CTNNA3: variants seen among roughly 807,000 people sequenced by gnomAD.
CTNNA3 encodes catenin alpha 3, also known as catenin alpha-3.
In CTNNA3, 76 loss-of-function variants were observed where a neutral mutation model predicts 95.7. The ratio of observed to expected loss-of-function variants is 0.79; its 90% CI spans 0.66 to 0.96. CTNNA3 has a LOEUF of 0.96. Among genes scored for constraint, CTNNA3 ranks in the 40% least tolerant of loss-of-function variants. The probability of loss-of-function intolerance (pLI) is 0.00; values close to 1 mark genes in which losing one functional copy is unlikely to be tolerated. For missense variants in CTNNA3, 1,191 were observed against 1,089.8 expected (o/e 1.09, Z -1.31); for synonymous variants, 431 against 374.4 (o/e 1.15, Z -1.74).
intron 7 of CTNNA3, among the ~76,000 whole-genome samples, chr10:66,850,552 G>A (rs1843448756): frequency 1.3e-5 from 2 of 152,064 alleles, no homozygotes; most frequent in African/African-American, 4.8e-5. Context: ...TGTGGCCTCA[G>A]ATTTAGGAGT....
intron 7 of CTNNA3, among the ~76,000 whole-genome samples, chr10:66,810,919 A>ATCT (rs1204164584): frequency 6.6e-6 from 1 of 152,166 alleles, no homozygotes; most frequent in African/African-American, 2.4e-5. Context: ...TATATTAGTC[A>ATCT]TCTTCCTCCC....
intron 13 of CTNNA3, among the ~76,000 whole-genome samples, chr10:66,131,568 C>A (rs2083104566): frequency 6.6e-6 from 1 of 151,842 alleles, no homozygotes; most frequent in Non-Finnish European, 1.5e-5. Flanking sequence ...TCATATGGAA[C>A]CAAAAAAAGG....
chr10:67,681,244 T>A (rs1360294331), intron 1 of CTNNA3, among the ~76,000 whole-genome samples: 1 of 152,082 alleles, frequency 6.6e-6, no homozygotes, highest in East Asian at 1.9e-4. Flanking sequence ...GAAAAGAATA[T>A]GGAGAAGGAT....
chr10:66,484,594 C>A (rs549806592), intron 11 of CTNNA3, among the ~76,000 whole-genome samples: 4 of 151,816 alleles, frequency 2.6e-5, no homozygotes, highest in South Asian at 2.1e-4. Context: ...TCAAGAATAA[C>A]CCTTACTGGG....
At chr10:66,697,236 T>C (rs549407641) in intron 9 of CTNNA3, among the ~76,000 whole-genome samples, 2 of 149,528 alleles carry the variant, frequency 1.3e-5, no homozygotes, top group South Asian at 4.2e-4. Context: ...TTTATGTGTG[T>C]ATATATATCA....
chr10:67,047,952 T>C (rs1854854044), intron 7 of CTNNA3, among the ~76,000 whole-genome samples: 1 of 152,094 alleles, frequency 6.6e-6, no homozygotes, highest in African/African-American at 2.4e-5. Flanking sequence ...ATAAGCTTTC[T>C]GAAGTGGGAA....
intron 9 of CTNNA3, among the ~76,000 whole-genome samples, chr10:66,653,705 C>T (rs1183147932): frequency 1.3e-5 from 2 of 152,012 alleles, no homozygotes; most frequent in African/African-American, 2.4e-5. Context: ...TCAAAATATA[C>T]TACAAAGCTA....
chr10:67,680,070 A>C (rs993500037), intron 1 of CTNNA3, among the ~76,000 whole-genome samples: 1 of 152,220 alleles, frequency 6.6e-6, no homozygotes, highest in Non-Finnish European at 1.5e-5. Context: ...TATAGAATCT[A>C]ATTGGATGTC....
rs1840262929 is a variant in CTNNA3 at position 66,775,566 on chromosome 10, A to G, written c.1048-42T>C. The G allele has an allele frequency of 2.2e-6, 3 of 1,386,410 alleles. No homozygotes were observed. In the East Asian group the frequency reaches 6.9e-5, roughly 32 times the overall value. 85.9% of individuals were successfully genotyped at this position (1,386,410 alleles called of 1,614,324 possible). ...ACGACATAAGCAATGGTATCAATTA[A>G]TCTTTATCACTTAGCAATTTGCTTT... On this transcript the variant is annotated intron_variant, in intron 7 of 17. Coordinates refer to ENST00000433211, the MANE Select transcript of CTNNA3 (RefSeq NM_013266.4).
chr10:66,758,955 C>G (rs775621844), intron 9 of CTNNA3, among the ~76,000 whole-genome samples: 2 of 151,950 alleles, frequency 1.3e-5, no homozygotes, highest in Non-Finnish European at 2.9e-5. Flanking sequence ...AACAAACAAA[C>G]GACAACAAAA....
intron 2 of CTNNA3, among the ~76,000 whole-genome samples, chr10:67,631,278 G>C (rs1387561025): frequency 6.7e-6 from 1 of 150,342 alleles, no homozygotes; most frequent in Non-Finnish European, 1.5e-5. Context: ...AATGACCCAA[G>C]AGAAAAAAAT....
chr10:66,979,807 G>C (rs1272485672), intron 7 of CTNNA3, among the ~76,000 whole-genome samples: 1 of 152,098 alleles, frequency 6.6e-6, no homozygotes, highest in African/African-American at 2.4e-5. Context: ...TTATTCTATG[G>C]AGAAAAGGTC....
intron 5 of CTNNA3, among the ~76,000 whole-genome samples, chr10:67,369,849 C>A (rs570119993): frequency 1.3e-5 from 2 of 152,106 alleles, no homozygotes; most frequent in Non-Finnish European, 2.9e-5. Context: ...TTCTCATACA[C>A]CATGAGAATG....
chr10:66,314,554 T>C (rs889129441), intron 12 of CTNNA3, among the ~76,000 whole-genome samples: 1 of 152,046 alleles, frequency 6.6e-6, no homozygotes, highest in Non-Finnish European at 1.5e-5. Context: ...AAACTCTAAG[T>C]TCAAATATAC....
chr10:67,005,682 CTT>C (rs11369576), intron 7 of CTNNA3, among the ~76,000 whole-genome samples: 26 of 61,976 alleles, frequency 4.2e-4, no homozygotes, highest in African/African-American at 1.3e-3. Flanking sequence ...TTTACTCCAT[CTT>C]TTTTTTTTTT....
intron 5 of CTNNA3, among the ~76,000 whole-genome samples, chr10:67,282,673 G>A (rs1415699995): frequency 6.6e-6 from 1 of 152,162 alleles, no homozygotes; most frequent in Admixed American, 6.5e-5. Flanking sequence ...TTTTGAGGCA[G>A]CTCCAAATCC....
At chr10:66,586,787 T>G (rs1843373802) in intron 10 of CTNNA3, among the ~76,000 whole-genome samples, 1 of 152,144 alleles carries the variant, frequency 6.6e-6, no homozygotes, top group African/African-American at 2.4e-5. Flanking sequence ...ACTGCACTTG[T>G]GTCTCTCCCG....
At chr10:67,718,811 G>T (rs1042404563) in intron 1 of CTNNA3, among the ~76,000 whole-genome samples, 11 of 152,158 alleles carry the variant, frequency 7.2e-5, no homozygotes, top group Admixed American at 2.0e-4. Flanking sequence ...GATGATGCTG[G>T]CCTCATAAAA....
intron 7 of CTNNA3, among the ~76,000 whole-genome samples, chr10:66,799,471 CTTAT>C (rs1450485116): frequency 6.6e-6 from 1 of 151,286 alleles, no homozygotes; most frequent in Admixed American, 6.6e-5. Flanking sequence ...AAGTTAAGAA[CTTAT>C]TATTGGACAG....
Sources: gnomAD v4.1 joint callset for allele counts (sites outside exome capture counted in the v4.1 genomes callset) on GRCh38, gnomAD v4.1.1 for gene constraint, MANE v1.5 for transcripts, NCBI Gene and HGNC (gene_info 2026-07-23, HGNC 2026-07-21) for gene names.